Variants in PPP1R9A observed in about 807,000 individuals in gnomAD.
PPP1R9A encodes the protein neurabin-1.
Under a neutral mutation model 141.9 loss-of-function variants are expected in PPP1R9A, and 59 were observed. The observed-to-expected ratio is 0.42, with a 90% CI of 0.34 to 0.52. The LOEUF (loss-of-function observed/expected upper bound fraction) is 0.52, where lower values mean the gene tolerates loss of function less well. Among genes scored for constraint, PPP1R9A ranks in the 20% least tolerant of loss-of-function variants. The probability of loss-of-function intolerance (pLI) is 0.10; values close to 1 mark genes in which losing one functional copy is unlikely to be tolerated. For missense variants in PPP1R9A, 1,444 were observed against 1,611.9 expected (o/e 0.90, Z 1.78); for synonymous variants, 500 against 569.7 (o/e 0.88, Z 1.74).
chr7:95,181,562 AAT>A (rs1297237281), intron 5 of PPP1R9A, among the ~76,000 whole-genome samples: 8 of 137,238 alleles, frequency 5.8e-5, no homozygotes, highest in Admixed American at 7.9e-5. Context: ...ATATATATAG[AAT>A]ATATATATAT....
In PPP1R9A at chr7:94,910,720, A is replaced by G; in HGVS notation, c.607A>G (p.Ser203Gly). 2.5e-6 allele frequency: 4 copies of G among 1,614,182 alleles called. No individual in the cohort carries two copies. Among genetic ancestry groups the G allele is most frequent in the Non-Finnish European group, 3.4e-6 (4 of 1,180,024 alleles). The change falls in exon 2 of 20, where the codon AGT becomes GGT. Residue 203 changes from serine to glycine, a missense_variant. This residue lies in a region of PPP1R9A where 490 missense variants were observed against 521.1 expected (regional missense o/e 0.94). Coordinates refer to ENST00000433360, the MANE Select transcript of PPP1R9A (RefSeq NM_001166160.2). This position sits in a 1 kb window ranked among gnomAD's most constrained non-coding sequence, Gnocchi z 4.5. Reference sequence around the variant, plus strand: ...AACTGAGGCTGTCTCCCCAACTGTGAGTCAACTGAGTGCAGTATTTGAGAA... The same window carrying G: ...AACTGAGGCTGTCTCCCCAACTGTGGGTCAACTGAGTGCAGTATTTGAGAA... ...SRTEAVSPTVSQLSAVFENTD... is the reference protein window; with the variant it reads ...SRTEAVSPTVGQLSAVFENTD...
At chr7:94,984,102 T>C (rs945585771) in intron 2 of PPP1R9A, among the ~76,000 whole-genome samples, 3 of 152,208 alleles carry the variant, frequency 2.0e-5, no homozygotes, top group African/African-American at 7.2e-5. Context: ...GTGGTTTTTG[T>C]CTTTGGTTCT....
intron 2 of PPP1R9A, among the ~76,000 whole-genome samples, chr7:95,037,949 T>TA (rs1563152439): frequency 3.6e-3 from 315 of 87,566 alleles, no homozygotes; most frequent in African/African-American, 0.013. Context: ...ACAAAATAAT[T>TA]TAAAAAAAAA....
At chr7:95,168,906 A>G (rs1213102912) in intron 5 of PPP1R9A, among the ~76,000 whole-genome samples, 1 of 152,112 alleles carries the variant, frequency 6.6e-6, no homozygotes, top group Non-Finnish European at 1.5e-5. Flanking sequence ...AAGGATGTGG[A>G]GAAAAAGGAA....
chr7:95,249,063 C>T (rs1431071029), intron 9 of PPP1R9A, among the ~76,000 whole-genome samples: 1 of 152,028 alleles, frequency 6.6e-6, no homozygotes, highest in Non-Finnish European at 1.5e-5. Flanking sequence ...CTTTTGAGCC[C>T]TCACCTAAAT....
chr7:95,225,889 A>G (rs1795081664), intron 7 of PPP1R9A, 72 bp from the exon 8 acceptor site: 7 of 1,490,450 alleles, frequency 4.7e-6, no homozygotes, highest in Non-Finnish European at 6.4e-6. Flanking sequence ...TGTCTTTTAT[A>G]AAATATTTTC....
rs1384825827 is a variant in PPP1R9A at position 95,181,380 on chromosome 7, AGAGAATAGAGAGAATATATATATTCCATC to A, written c.1755-16968_1755-16940del. 2.7e-3 allele frequency among the ~76,000 whole-genome samples: 375 copies of A among 139,628 alleles called. 5 individuals are homozygous for A. The highest frequency in any genetic ancestry group is 9.4e-3 in the African/African-American group (357 of 38,052). The allele number at this position is 139,628 out of a possible 152,430, so 91.6% of individuals were successfully genotyped here. A position where few individuals can be genotyped will look rare whatever the true frequency, so the allele number is the denominator to read the frequency against. On this transcript the variant is annotated intron_variant, in intron 5 of 19. Coordinates refer to ENST00000433360, the MANE Select transcript of PPP1R9A (RefSeq NM_001166160.2). ...TATAGAATATGTATGGAATATATAG[AGAGAATAGAGAGAATATATATATTCCATC>A]ATATATATAGAATATAGAGAATATA...
intron 5 of PPP1R9A, among the ~76,000 whole-genome samples, chr7:95,186,070 T>C (rs1256407266): frequency 6.6e-6 from 1 of 152,072 alleles, no homozygotes; most frequent in Non-Finnish European, 1.5e-5. Context: ...AGAATGATGA[T>C]AGTGTTTTGA....
intron 2 of PPP1R9A, among the ~76,000 whole-genome samples, chr7:94,970,371 TC>T (rs1798726713): frequency 6.6e-6 from 1 of 152,128 alleles, no homozygotes; most frequent in African/African-American, 2.4e-5. Context: ...CACTCCACAG[TC>T]CCTCACGGCT....
intron 2 of PPP1R9A, among the ~76,000 whole-genome samples, chr7:95,052,527 G>A (rs1375053292): frequency 6.6e-6 from 1 of 152,176 alleles, no homozygotes; most frequent in African/African-American, 2.4e-5. Flanking sequence ...AAGAAAGCAG[G>A]CTATAGGAGA....
intron 2 of PPP1R9A, among the ~76,000 whole-genome samples, chr7:95,065,349 G>A (rs1401872072): frequency 2.0e-5 from 3 of 152,258 alleles, no homozygotes; most frequent in South Asian, 2.1e-4. Context: ...ACAGGCGTGA[G>A]CCACTGCACC....
intron 4 of PPP1R9A, among the ~76,000 whole-genome samples, chr7:95,139,611 A>G (rs182412964): frequency 1.1e-3 from 172 of 152,284 alleles, no homozygotes; most frequent in Middle Eastern, 3.4e-3. Context: ...AGACTATCTT[A>G]TCCAGTAAGG....
At position 95,251,728 on chromosome 7, in the gene PPP1R9A, A is replaced by G. The variant is rs751599311; in HGVS notation, c.2397-34A>G. 7.0e-6 allele frequency: 11 copies of G among 1,572,044 alleles called. 1 individual carries two copies. The African/African-American group carries it at 9.6e-5, about 14-fold the overall frequency. Reference sequence around the variant, plus strand: ...ATAAGAACTTTCATTTATTGAGTGTATGATATAATCAGAACTATTATTTTC... The same window carrying G: ...ATAAGAACTTTCATTTATTGAGTGTGTGATATAATCAGAACTATTATTTTC... On this transcript the variant is annotated intron_variant, in intron 10 of 19. Transcript: ENST00000433360.
intron 2 of PPP1R9A, among the ~76,000 whole-genome samples, chr7:95,102,912 C>G (rs1349357075): frequency 6.6e-6 from 1 of 152,144 alleles, no homozygotes; most frequent in Non-Finnish European, 1.5e-5. Context: ...TGTGGGTAAA[C>G]ATTATTCTAG....
intron 2 of PPP1R9A, among the ~76,000 whole-genome samples, chr7:95,053,949 C>T (rs1166940920): frequency 6.6e-6 from 1 of 152,164 alleles, no homozygotes; most frequent in Admixed American, 6.5e-5. Context: ...GAAGGGCAAT[C>T]ACAAAACAAC....
intron 12 of PPP1R9A, among the ~76,000 whole-genome samples, chr7:95,265,763 G>T (rs1346686760): frequency 6.6e-6 from 1 of 152,094 alleles, no homozygotes; most frequent in Non-Finnish European, 1.5e-5. Context: ...ATGAATCACT[G>T]CAATAAAGTA....
At chr7:95,181,826 A>G (rs1029274000) in intron 5 of PPP1R9A, among the ~76,000 whole-genome samples, 8 of 147,754 alleles carry the variant, frequency 5.4e-5, no homozygotes, top group Admixed American at 1.4e-4. Flanking sequence ...ATATATACAT[A>G]TATGATAGAA....
intron 12 of PPP1R9A, among the ~76,000 whole-genome samples, chr7:95,257,191 G>A (rs1324152164): frequency 3.3e-5 from 5 of 152,102 alleles, no homozygotes; most frequent in Non-Finnish European, 7.4e-5. Context: ...TAGATACTGA[G>A]ATTCATTATG....
At chr7:94,963,432 T>C (rs1797859243) in intron 2 of PPP1R9A, among the ~76,000 whole-genome samples, 1 of 152,164 alleles carries the variant, frequency 6.6e-6, no homozygotes. Context: ...CAATCAATTT[T>C]AGAAATTTCC....
Sources: allele counts gnomAD v4.1 joint callset (sites outside exome capture counted in the v4.1 genomes callset), GRCh38; gene constraint gnomAD v4.1.1; regional missense constraint gnomAD v4.1.1; non-coding constraint Gnocchi (gnomAD v3.1); transcripts MANE v1.5; gene names NCBI Gene and HGNC (gene_info 2026-07-23, HGNC 2026-07-21).